Variants in ASIC2 observed in about 807,000 individuals in gnomAD.
The protein encoded by ASIC2 is acid sensing ion channel subunit 2.
In ASIC2, 25 loss-of-function variants were observed where a neutral mutation model predicts 57.3. The observed-to-expected ratio is 0.44, with a 90% confidence interval of 0.32 to 0.61. The LOEUF is 0.61. ASIC2 is among the 20% of genes least tolerant of loss of function. ASIC2 has a pLI of 0.06. For synonymous variants in ASIC2, 319 were observed against 307.5 expected (o/e 1.04, Z -0.39); for missense variants, 641 against 738.1 (o/e 0.87, Z 1.52).
At chr17:34,038,237 C>A (rs921835345) in intron 1 of ASIC2, 17 of 1,611,066 alleles carry the variant, frequency 1.1e-5, no homozygotes, top group Admixed American at 1.0e-4. Context: ...GATAATGGAC[C>A]GGGCCTCTTT....
At chr17:33,516,115 CAA>C (rs1914558460) in intron 1 of ASIC2, among the ~76,000 whole-genome samples, 2 of 136,066 alleles carry the variant, frequency 1.5e-5, no homozygotes, top group Non-Finnish European at 3.3e-5. Context: ...CAAAACAAAA[CAA>C]AACAAAACAA....
At chr17:33,888,376 C>T (rs1414122859) in intron 1 of ASIC2, among the ~76,000 whole-genome samples, 1 of 152,060 alleles carries the variant, frequency 6.6e-6, no homozygotes, top group African/African-American at 2.4e-5. Context: ...GAGGTAGGAG[C>T]GAGTGGTTCC....
At chr17:33,150,723 G>A (rs187540407) in intron 1 of ASIC2, among the ~76,000 whole-genome samples, 7,723 of 90,574 alleles carry the variant, frequency 0.085, 405 homozygotes, top group East Asian at 0.12. Context: ...AGTGGCGGGC[G>A]CCTGTAGTCC....
chr17:33,846,740 T>A (rs1189247356), intron 1 of ASIC2, among the ~76,000 whole-genome samples: 4 of 151,140 alleles, frequency 2.6e-5, no homozygotes, highest in Non-Finnish European at 1.5e-5. Context: ...TTTTTTTTTT[T>A]TTGAGACGGA....
intron 3 of ASIC2, among the ~76,000 whole-genome samples, chr17:33,039,791 T>C (rs2091923059): frequency 6.6e-6 from 1 of 152,128 alleles, no homozygotes; most frequent in South Asian, 2.1e-4. Context: ...AAGAGAGGAT[T>C]CTACTCCTCC....
intron 1 of ASIC2, among the ~76,000 whole-genome samples, chr17:33,903,054 G>A (rs540864861): frequency 4.3e-4 from 66 of 152,194 alleles, no homozygotes; most frequent in Non-Finnish European, 6.2e-4. Flanking sequence ...CCTGTCTCCC[G>A]AGACCTTTGA....
intron 1 of ASIC2, among the ~76,000 whole-genome samples, chr17:33,560,996 T>C (rs1916056044): frequency 2.0e-5 from 3 of 152,146 alleles, no homozygotes. Context: ...TATGCAGTAG[T>C]AGGTGGCATA....
At chr17:33,170,446 C>G (rs1445373984) in intron 1 of ASIC2, among the ~76,000 whole-genome samples, 1 of 152,044 alleles carries the variant, frequency 6.6e-6, no homozygotes, top group Non-Finnish European at 1.5e-5. Context: ...GATAAAGGCA[C>G]AAGTAGGAAA....
At chr17:33,714,962 C>A (rs894265262) in intron 1 of ASIC2, among the ~76,000 whole-genome samples, 1 of 140,546 alleles carries the variant, frequency 7.1e-6, no homozygotes, top group Admixed American at 7.1e-5. Context: ...GGACTACAGG[C>A]TCATGCCACC....
intron 1 of ASIC2, among the ~76,000 whole-genome samples, chr17:33,831,691 G>A (rs1484170497): frequency 6.6e-6 from 1 of 152,012 alleles, no homozygotes; most frequent in Non-Finnish European, 1.5e-5. Context: ...ACTGAGCTCT[G>A]CACGCATCCA....
In ASIC2 at chr17:33,014,842, C is replaced by G. The variant is rs1398041685; in HGVS notation, c.1591-776G>C. 5.3e-5 allele frequency among the ~76,000 whole-genome samples: 8 copies of G among 152,198 alleles called. 1 individual carries two copies. The highest frequency in any genetic ancestry group is 1.2e-4 in the Non-Finnish European group (8 of 68,020). ...AAGGGAACCACTTGCTGAGCACTTA[C>G]TATAAACTAGGTGCTGTGCTGACTG... On this transcript the variant is annotated intron_variant, in intron 9 of 9. Transcript: ENST00000225823.
intron 1 of ASIC2, among the ~76,000 whole-genome samples, chr17:33,214,544 A>G (rs909033909): frequency 5.9e-5 from 9 of 152,198 alleles, no homozygotes; most frequent in African/African-American, 2.2e-4. Flanking sequence ...GTGTCTGGGA[A>G]GCATACCATC....
At chr17:33,551,679 G>A (rs138322668) in intron 1 of ASIC2, among the ~76,000 whole-genome samples, 1 of 152,244 alleles carries the variant, frequency 6.6e-6, no homozygotes, top group African/African-American at 2.4e-5. Flanking sequence ...ACTTCACTGT[G>A]CTTCCTTCAA....
chr17:33,493,559 C>A (rs1256568684), intron 1 of ASIC2, among the ~76,000 whole-genome samples: 1 of 152,188 alleles, frequency 6.6e-6, no homozygotes, highest in Non-Finnish European at 1.5e-5. Flanking sequence ...TTCAGTCAGT[C>A]AAGGTTCTCT....
chr17:33,678,488 G>T (rs1907897575), intron 1 of ASIC2, among the ~76,000 whole-genome samples: 1 of 129,102 alleles, frequency 7.7e-6, no homozygotes, highest in South Asian at 2.4e-4. Context: ...AGAGGTGAGG[G>T]TGTCACAGCC....
At chr17:34,114,282 A>T (rs1252999088) in intron 1 of ASIC2, among the ~76,000 whole-genome samples, 1 of 152,198 alleles carries the variant, frequency 6.6e-6, no homozygotes, top group African/African-American at 2.4e-5. Context: ...GCCATCCCTT[A>T]GCACAACTCT....
In ASIC2 at chr17:33,916,764, G is replaced by A. The variant is rs139723739; in HGVS notation, c.555+239214C>T. Among the ~76,000 whole-genome samples the A allele has an allele frequency of 8.7e-3, 1,323 of 152,314 alleles. 19 individuals are homozygous for A. Among genetic ancestry groups the A allele is most frequent in the African/African-American group, 0.03 (1,263 of 41,558 alleles). On this transcript the variant is annotated intron_variant, in intron 1 of 9. Transcript: ENST00000359872. ...GACTGACAGCAAAGAGATGCCACTA[G>A]CAGAGGAGTGAAAGTCAAGAGGGGA...
intron 1 of ASIC2, chr17:34,002,446 G>T (rs1906377313): frequency 6.6e-6 from 1 of 152,150 alleles, no homozygotes; most frequent in South Asian, 2.1e-4. Context: ...ACATTTTATT[G>T]TATTTCCTCA....
rs1444978906 is a variant in ASIC2, at chr17:34,151,061, C to A, written c.555+4917G>T. ...GAGGTTGCAGTGAGCTAAGATCGCA[C>A]AACTGCACTCCAGCCTGGGCAACAG... is the stretch of plus-strand genomic sequence containing the variant. On this transcript the variant is annotated intron_variant, in intron 1 of 9. Transcript: ENST00000359872. Among the ~76,000 whole-genome samples the A allele has an allele frequency of 2.9e-5, 4 of 139,076 alleles. No homozygotes were observed. The South Asian group carries it at 6.9e-4, about 24-fold the overall frequency. The allele number at this position is 139,076 out of a possible 152,430, so 91.2% of individuals were successfully genotyped here.
Sources: gnomAD v4.1 joint callset for allele counts (sites outside exome capture counted in the v4.1 genomes callset) on GRCh38, gnomAD v4.1.1 for gene constraint, MANE v1.5 for transcripts, NCBI Gene and HGNC (gene_info 2026-07-23, HGNC 2026-07-21) for gene names.